Variants in LPCAT1 observed in about 807,000 individuals in gnomAD.
LPCAT1 encodes lysophosphatidylcholine acyltransferase 1.
Under a neutral mutation model 60.9 loss-of-function variants are expected in LPCAT1, and 23 were observed. That is an observed-to-expected ratio of 0.38 (90% CI 0.27 to 0.53). The LOEUF is 0.53. Among genes scored for constraint, LPCAT1 ranks in the 20% least tolerant of loss-of-function variants. LPCAT1 has a pLI of 0.82. For synonymous variants in LPCAT1, 340 were observed against 301.1 expected, an observed-to-expected ratio of 1.13 and a Z score of -1.34; for missense variants, 622 against 723.6, an observed-to-expected ratio of 0.86 and a Z score of 1.61.
At chr5:1,520,334 T>G (rs1163685227) in intron 1 of LPCAT1, among the ~76,000 whole-genome samples, 3 of 152,152 alleles carry the variant, frequency 2.0e-5, no homozygotes, top group Non-Finnish European at 2.9e-5. Flanking sequence ...TTGGGTAAAT[T>G]CTATGCAGGG....
At position 1,523,711 on chromosome 5, in the gene LPCAT1, T is replaced by C; in HGVS notation, c.134A>G (p.Gln45Arg). 2.6e-6 allele frequency: 3 copies of C among 1,140,066 alleles called. No homozygotes were observed. The highest frequency in any genetic ancestry group is 3.2e-6 in the Non-Finnish European group (3 of 925,784). 70.6% of individuals were successfully genotyped at this position (1,140,066 alleles called of 1,614,324 possible). The stretch of plus-strand genomic sequence containing the variant: ...GGGCCGCGCGCCCTGGGCACCCACC[T>C]GGGCCTTCTGCAGGGCGCTGAGGCG... ...ELRLSALQKA[Q>R]VALMTLTLFP... is the part of the protein sequence containing the mutation. The change falls in exon 1 of 14, where the codon CAG becomes CGG. Residue 45 changes from glutamine (Q) to arginine (R), a missense_variant and splice_region_variant. This residue lies in a region of LPCAT1 where 125 missense variants were observed against 114.5 expected (regional missense o/e 1.09). Transcript: ENST00000283415. This position sits in a 1 kb window ranked among gnomAD's most constrained non-coding sequence, Gnocchi z 7.1.
rs1736049943 is a variant in LPCAT1, at chr5:1,502,386, C to T, written c.136-783G>A. ...TTGGTGACAGGGGGAGGTAGCTGGC[C>T]TGCAGTTTGCAAGGTTGGACCTCAG... On this transcript the variant is annotated intron_variant, in intron 1 of 13. Coordinates refer to ENST00000283415, the MANE Select transcript of LPCAT1 (RefSeq NM_024830.5). The surrounding 1 kb of genome is among the most constrained non-coding windows in gnomAD (Gnocchi z 5.5). Among the ~76,000 whole-genome samples, 1 of 152,206 alleles carries T rather than the reference C, an allele frequency of 6.6e-6. No individual in the cohort carries two copies. Among genetic ancestry groups the T allele is most frequent in the Non-Finnish European group, 1.5e-5 (1 of 68,050 alleles).
chr5:1,521,231 G>A lies in LPCAT1; in HGVS notation c.135+2479C>T. Reference sequence around the variant, plus strand: ...ACTTAAGCTCCTCACTAAATCTGTAGTTAAATGACAGATGGGCTGGCTGGA... The same window carrying A: ...ACTTAAGCTCCTCACTAAATCTGTAATTAAATGACAGATGGGCTGGCTGGA... On this transcript the variant is annotated intron_variant, in intron 1 of 13. Transcript: ENST00000283415. This position sits in a 1 kb window ranked among gnomAD's most constrained non-coding sequence, Gnocchi z 4.3. The A allele has an allele frequency of 1.6e-6, 1 of 627,292 alleles. No individual in the cohort carries two copies. Among genetic ancestry groups the A allele is most frequent in the Non-Finnish European group, 2.0e-6 (1 of 503,058 alleles). The allele number at this position is 627,292 out of a possible 1,614,324, so 38.9% of individuals were successfully genotyped here. A position where few individuals can be genotyped will look rare whatever the true frequency, so the allele number is the denominator to read the frequency against.
chr5:1,516,886 G>C (rs112095216), intron 1 of LPCAT1, among the ~76,000 whole-genome samples: 2,271 of 152,262 alleles, frequency 0.015, 59 homozygotes, highest in African/African-American at 0.052. Context: ...GACTGTGCTG[G>C]AAGTTCAAGA....
Position 1,474,084 on chromosome 5 carries a change from T to A in LPCAT1, c.1052A>T (p.Asp351Val). Residue 351 changes from aspartate to valine, a missense_variant, in exon 11 of 14, where the codon GAT (aspartate) becomes GTT (valine). By Grantham distance (152) the Asp-to-Val change is radical. Around this residue, in one of 3 missense-constraint regions of LPCAT1, gnomAD observed 288 missense variants for 283.6 expected, o/e 1.02. Transcript: ENST00000283415. Reference protein sequence around the residue: ...LGLKPEKLEKDLDRYSERARM... With the variant: ...LGLKPEKLEKVLDRYSERARM... ...GGCTCTTTCTGAGTATCTGTCCAGA[T>A]CTTTTTCAAGCTTTTCTGGTTTTAG... 1 of 1,613,620 alleles carries A rather than the reference T, an allele frequency of 6.2e-7. No homozygotes were observed. The highest frequency in any genetic ancestry group is 8.5e-7 in the Non-Finnish European group (1 of 1,179,842).
In LPCAT1 at chr5:1,481,494, A is replaced by G. The variant is rs1176921989; in HGVS notation, c.727-518T>C. 1.3e-5 allele frequency among the ~76,000 whole-genome samples: 2 copies of G among 152,258 alleles called. No homozygotes were observed. Among genetic ancestry groups the G allele is most frequent in the South Asian group, 2.1e-4 (1 of 4,830 alleles). On this transcript the variant is annotated intron_variant, in intron 6 of 13. Transcript: ENST00000283415. The surrounding 1 kb of genome is among the most constrained non-coding windows in gnomAD (Gnocchi z 7.8). ...GCTCTGAAGTCCCATCTTCAGCCTCAGTGCCGCCGGGCAGGGACCACACAG... is the reference window on the plus strand; with the variant it reads ...GCTCTGAAGTCCCATCTTCAGCCTCGGTGCCGCCGGGCAGGGACCACACAG...
chr5:1,486,441 G>A (rs1343572986), intron 5 of LPCAT1, among the ~76,000 whole-genome samples: 3 of 152,186 alleles, frequency 2.0e-5, no homozygotes, highest in Middle Eastern at 3.2e-3. Flanking sequence ...GAAGGTCTCC[G>A]GGGATGAAGG....
At chr5:1,501,906 G>A (rs941511212) in intron 1 of LPCAT1, among the ~76,000 whole-genome samples, 1 of 151,458 alleles carries the variant, frequency 6.6e-6, no homozygotes, top group African/African-American at 2.4e-5. Context: ...AAGGCTGACC[G>A]GTGCTGACCA....
chr5:1,464,409 A>C (rs1053593853), intron 13 of LPCAT1, among the ~76,000 whole-genome samples: 13 of 152,176 alleles, frequency 8.5e-5, no homozygotes, highest in African/African-American at 3.1e-4. Context: ...CTCCAGAAAC[A>C]CTCAGAACCT....
At chr5:1,498,966 T>C (rs917205441) in intron 2 of LPCAT1, among the ~76,000 whole-genome samples, 2 of 152,184 alleles carry the variant, frequency 1.3e-5, no homozygotes, top group Non-Finnish European at 2.9e-5. Flanking sequence ...ATACACAGAA[T>C]GATACACAGT....
In LPCAT1 at chr5:1,474,629, G is replaced by A. The variant is rs1180481540; in HGVS notation, c.956C>T (p.Ala319Val). 7 of 1,613,792 alleles carry A rather than the reference G, an allele frequency of 4.3e-6. No individual in the cohort carries two copies. Among genetic ancestry groups the A allele is most frequent in the East Asian group, 2.2e-5 (1 of 44,890 alleles). ...YTFEDCQLAL[A>V]EGQLRLPADT... is the part of the protein sequence containing the mutation. The stretch of plus-strand genomic sequence containing the variant: ...AGCGGGGAGACGGAGCTGTCCTTCC[G>A]CCAGGGCCAGCTGGCAGTCCTCGAA... Residue 319 changes from alanine (A) to valine (V), a missense_variant, in exon 10 of 14, where the codon GCG becomes GTG. Around this residue, in one of 3 missense-constraint regions of LPCAT1, gnomAD observed 209 missense variants for 325.5 expected, o/e 0.64. Transcript: ENST00000283415.
At chr5:1,478,094 C>CCTA (rs1163904266) in intron 8 of LPCAT1, among the ~76,000 whole-genome samples, 2 of 152,288 alleles carry the variant, frequency 1.3e-5, no homozygotes, top group Non-Finnish European at 2.9e-5. Context: ...GCACGTTATT[C>CCTA]CTACATTTGG....
At chr5:1,498,932 C>CGCAT (rs1380550935) in intron 2 of LPCAT1, among the ~76,000 whole-genome samples, 9 of 137,476 alleles carry the variant, frequency 6.5e-5, no homozygotes, top group Non-Finnish European at 1.4e-4. Flanking sequence ...CATATGTACA[C>CGCAT]ACATACACAC....
At chr5:1,504,587 G>A (rs1736124889) in intron 1 of LPCAT1, among the ~76,000 whole-genome samples, 1 of 152,218 alleles carries the variant, frequency 6.6e-6, no homozygotes, top group Admixed American at 6.5e-5. Flanking sequence ...GGTGGCGCAT[G>A]CCTGTAATCA....
intron 13 of LPCAT1, among the ~76,000 whole-genome samples, chr5:1,464,747 CACACA>C (rs1303004510): frequency 8.6e-5 from 12 of 139,882 alleles, no homozygotes; most frequent in African/African-American, 3.4e-4. Flanking sequence ...CAGACACACA[CACACA>C]AAACAAGCAC....
chr5:1,468,838 C>G (rs1734549279), intron 12 of LPCAT1, among the ~76,000 whole-genome samples: 1 of 152,248 alleles, frequency 6.6e-6, no homozygotes, highest in Admixed American at 6.5e-5. Context: ...TCCTGGATCT[C>G]TGTGTCCCAA....
intron 12 of LPCAT1, among the ~76,000 whole-genome samples, chr5:1,468,229 G>T (rs1734519199): frequency 6.6e-6 from 1 of 152,124 alleles, no homozygotes; most frequent in East Asian, 1.9e-4. Context: ...CCCTCCCCTG[G>T]GCCTCATCCC....
intron 11 of LPCAT1, 45 bp from the exon 12 acceptor site, chr5:1,470,969 A>C: frequency 1.9e-6 from 3 of 1,550,496 alleles, no homozygotes; most frequent in Non-Finnish European, 2.7e-6. Flanking sequence ...CGCCTTCGGC[A>C]CTGGAGAAAC....
rs1485287208 is a variant in LPCAT1 at position 1,495,338 on chromosome 5, G to C, written c.279-424C>G. ...AAACGCATATCGCAATATGGGGGGG[G>C]GGGCGCTCAGAGCTGAGGGCGGAAG... is the stretch of plus-strand genomic sequence containing the variant. On this transcript the variant is annotated intron_variant, in intron 2 of 13. Coordinates refer to ENST00000283415, the MANE Select transcript of LPCAT1 (RefSeq NM_024830.5). This position sits in a 1 kb window ranked among gnomAD's most constrained non-coding sequence, Gnocchi z 4.7. 6.6e-6 allele frequency among the ~76,000 whole-genome samples: 1 copy of C among 151,894 alleles called. No individual in the cohort carries two copies. The highest frequency in any genetic ancestry group is 2.1e-4 in the South Asian group (1 of 4,808).
Sources: gnomAD v4.1 joint callset for allele counts (sites outside exome capture counted in the v4.1 genomes callset) on GRCh38, gnomAD v4.1.1 for gene constraint, gnomAD v4.1.1 regional missense constraint, Gnocchi (gnomAD v3.1) non-coding constraint, MANE v1.5 for transcripts, NCBI Gene and HGNC (gene_info 2026-07-23, HGNC 2026-07-21) for gene names.